The following WDR27 variants were observed in gnomAD, a reference collection of about 807,000 sequenced individuals.
WDR27 encodes the protein WD repeat-containing protein 27.
In WDR27, 100 loss-of-function variants were observed where a neutral mutation model predicts 114.4. The ratio of observed to expected loss-of-function variants is 0.87; its 90% confidence interval spans 0.74 to 1.03. The LOEUF is 1.03. Ranked by LOEUF, WDR27 falls within the 50% of genes least tolerant of loss-of-function variation. The pLI is 0.00. For synonymous variants in WDR27, 449 were observed against 423.1 expected (o/e 1.06, Z -0.75); for missense variants, 1,129 against 1,092.9 (o/e 1.03, Z -0.47).
intron 17 of WDR27, among the ~76,000 whole-genome samples, chr6:169,642,994 T>C (rs1472085380): frequency 6.6e-6 from 1 of 152,224 alleles, no homozygotes; most frequent in Non-Finnish European, 1.5e-5. Context: ...TCAACGAGCA[T>C]CTCCTTGATG....
At chr6:169,580,948 T>C (rs867669864) in intron 24 of WDR27, among the ~76,000 whole-genome samples, 123 of 96,952 alleles carry the variant, frequency 1.3e-3, no homozygotes, top group Admixed American at 3.0e-3. Context: ...TATATATATA[T>C]ATATACATAT....
rs995848407 is a variant in WDR27, at chr6:169,626,220, C to A, written c.2223+6727G>T. Among the ~76,000 whole-genome samples, 8 of 152,292 alleles carry A rather than the reference C, an allele frequency of 5.3e-5. No homozygotes were observed. The East Asian group carries it at 1.5e-3, about 29-fold the overall frequency. On this transcript the variant is annotated intron_variant, in intron 21 of 25. Transcript: ENST00000448612. ...GAGCAACTGCAGGCCATAGGTGGGACAGAAGACGGCAGCGCTAGGCCTCCC... is the reference window on the plus strand; with the variant it reads ...GAGCAACTGCAGGCCATAGGTGGGAAAGAAGACGGCAGCGCTAGGCCTCCC...
intron 23 of WDR27, among the ~76,000 whole-genome samples, chr6:169,584,167 C>A (rs529965457): frequency 3.9e-5 from 6 of 152,276 alleles, no homozygotes; most frequent in Non-Finnish European, 7.3e-5. Context: ...TGAGATCCTG[C>A]AGTCTTTTTC....
chr6:169,465,092 C>G (rs567039331), intron 25 of WDR27, among the ~76,000 whole-genome samples: 1 of 151,666 alleles, frequency 6.6e-6, no homozygotes, highest in Non-Finnish European at 1.5e-5. Flanking sequence ...AACCCCATCT[C>G]TACTAAAAAT....
rs114140004 is a variant in WDR27 at position 169,581,828 on chromosome 6, C to T, written c.2523+1008G>A. ...GCAGAGAAGAGCGGGTCACAAGACACGTGTGGAGTGCCGTTCCACCTGGTC... is the reference window on the plus strand; with the variant it reads ...GCAGAGAAGAGCGGGTCACAAGACATGTGTGGAGTGCCGTTCCACCTGGTC... On this transcript the variant is annotated intron_variant, in intron 24 of 25. Coordinates refer to ENST00000448612, the MANE Select transcript of WDR27 (RefSeq NM_182552.5). Among the ~76,000 whole-genome samples the T allele has an allele frequency of 4.7e-3, 721 of 152,262 alleles. 6 individuals are homozygous for T. The highest frequency in any genetic ancestry group is 0.016 in the African/African-American group (665 of 41,570).
chr6:169,570,420 G>A (rs1044676975), intron 25 of WDR27, among the ~76,000 whole-genome samples: 2 of 152,186 alleles, frequency 1.3e-5, no homozygotes, highest in African/African-American at 2.4e-5. Context: ...AGGAGGACAC[G>A]AGACCAGCAG....
chr6:169,527,399 A>G (rs1389413134), intron 25 of WDR27, among the ~76,000 whole-genome samples: 2 of 151,414 alleles, frequency 1.3e-5, no homozygotes, highest in African/African-American at 2.4e-5. Context: ...ATATTGTAAC[A>G]TGTCACTTAA....
chr6:169,468,131 A>T (rs187379092), intron 25 of WDR27, among the ~76,000 whole-genome samples: 226 of 152,272 alleles, frequency 1.5e-3, no homozygotes, highest in African/African-American at 5.1e-3. Context: ...GTTCCCAAAA[A>T]GTTTCTCATC....
chr6:169,550,116 C>CA (rs1797908944), intron 25 of WDR27, among the ~76,000 whole-genome samples: 1 of 152,134 alleles, frequency 6.6e-6, no homozygotes, highest in Non-Finnish European at 1.5e-5. Flanking sequence ...GACAGGGGGC[C>CA]AGGAGGCACA....
At position 169,678,809 on chromosome 6, in the gene WDR27, A is replaced by G. The variant is rs6909977; in HGVS notation, c.190-6413T>C. 2.4e-3 allele frequency among the ~76,000 whole-genome samples: 360 copies of G among 152,334 alleles called. 2 individuals carry two copies. Among genetic ancestry groups the G allele is most frequent in the African/African-American group, 7.9e-3 (328 of 41,576 alleles). ...TTGCCATACCTTGAAATTGTCCTGC[A>G]AAGTCTCTTGTGGTAAAAATCCACA... On this transcript the variant is annotated intron_variant, in intron 2 of 25. Transcript: ENST00000448612.
chr6:169,571,834 T>C (rs2128127864), intron 25 of WDR27, among the ~76,000 whole-genome samples: 1 of 152,186 alleles, frequency 6.6e-6, no homozygotes, highest in South Asian at 2.1e-4. Flanking sequence ...CAAGACCCTG[T>C]CTAAAACAAA....
intron 25 of WDR27, among the ~76,000 whole-genome samples, chr6:169,537,562 G>A (rs1204348999): frequency 6.6e-6 from 1 of 152,244 alleles, no homozygotes; most frequent in African/African-American, 2.4e-5. Context: ...CAATGTTGGA[G>A]AGTATCAGAT....
chr6:169,553,001 TG>T (rs1798374330), intron 25 of WDR27, among the ~76,000 whole-genome samples: 1 of 122,556 alleles, frequency 8.2e-6, no homozygotes, highest in Non-Finnish European at 1.8e-5. Context: ...TGTGTGTGTG[TG>T]TGTGTGTGTG....
intron 16 of WDR27, among the ~76,000 whole-genome samples, chr6:169,645,926 C>T (rs1416773384): frequency 6.6e-6 from 1 of 151,386 alleles, no homozygotes; most frequent in African/African-American, 2.4e-5. Flanking sequence ...TGTAGAAAAT[C>T]CTAGTTCACA....
chr6:169,701,170 C>T (rs1230424401), intron 1 of WDR27, among the ~76,000 whole-genome samples: 1 of 152,136 alleles, frequency 6.6e-6, no homozygotes, highest in Non-Finnish European at 1.5e-5. Context: ...GAAAACTCTA[C>T]TACTCGAGGA....
intron 19 of WDR27, among the ~76,000 whole-genome samples, chr6:169,635,081 C>T (rs1256914568): frequency 6.6e-6 from 1 of 152,118 alleles, no homozygotes; most frequent in Admixed American, 6.6e-5. Context: ...TAAAAATAAA[C>T]TTTAGGCCAG....
intron 21 of WDR27, among the ~76,000 whole-genome samples, chr6:169,630,126 T>C (rs1206461341): frequency 6.6e-6 from 1 of 152,176 alleles, no homozygotes; most frequent in Non-Finnish European, 1.5e-5. Flanking sequence ...CTACATAACA[T>C]CTCAGGAGAG....
At chr6:169,614,240 C>T (rs1811286454) in intron 21 of WDR27, among the ~76,000 whole-genome samples, 1 of 152,114 alleles carries the variant, frequency 6.6e-6, no homozygotes, top group Admixed American at 6.5e-5. Context: ...ATCACCTAAA[C>T]ATTTGTGATA....
intron 25 of WDR27, among the ~76,000 whole-genome samples, chr6:169,545,326 C>A (rs1797330946): frequency 6.6e-6 from 1 of 152,120 alleles, no homozygotes; most frequent in Non-Finnish European, 1.5e-5. Flanking sequence ...AAGAAAACAT[C>A]CATGGGATCA....
Sources: gnomAD v4.1 joint callset for allele counts (sites outside exome capture counted in the v4.1 genomes callset) on GRCh38, gnomAD v4.1.1 for gene constraint, MANE v1.5 for transcripts, NCBI Gene and HGNC (gene_info 2026-07-23, HGNC 2026-07-21) for gene names.